The following MYLK variants were observed in gnomAD, a reference collection of about 807,000 sequenced individuals.
The protein encoded by MYLK is myosin light chain kinase.
In MYLK, 106 loss-of-function variants were observed where a neutral mutation model predicts 203.4. That is an observed-to-expected ratio of 0.52 (90% CI 0.45 to 0.61). MYLK has a LOEUF of 0.61. MYLK is among the 20% of genes least tolerant of loss of function. The pLI, the probability that MYLK is intolerant of heterozygous loss-of-function variation, is 0.00. For synonymous variants in MYLK, 867 were observed against 959.5 expected, an observed-to-expected ratio of 0.90 and a Z score of 1.78; for missense variants, 2,072 against 2,442.3, an observed-to-expected ratio of 0.85 and a Z score of 3.20.
intron 22 of MYLK, among the ~76,000 whole-genome samples, chr3:123,664,885 T>C (rs1364479994): frequency 6.6e-6 from 1 of 152,196 alleles, no homozygotes; most frequent in East Asian, 1.9e-4. Context: ...AATGACATAC[T>C]GTATGATTCC....
At chr3:123,833,039 G>A (rs1297140502) in intron 2 of MYLK, among the ~76,000 whole-genome samples, 2 of 152,042 alleles carry the variant, frequency 1.3e-5, no homozygotes, top group Non-Finnish European at 2.9e-5. Flanking sequence ...GAGAGACGGG[G>A]CTCTCAAAGA....
chr3:123,705,651 G>A (rs2061432292), intron 16 of MYLK, among the ~76,000 whole-genome samples: 1 of 152,112 alleles, frequency 6.6e-6, no homozygotes, highest in African/African-American at 2.4e-5. Context: ...GCTGGCCCCA[G>A]ACAGTCTGCC....
chr3:123,656,801 C>A (rs1393783710), intron 24 of MYLK, among the ~76,000 whole-genome samples: 1 of 152,108 alleles, frequency 6.6e-6, no homozygotes, highest in African/African-American at 2.4e-5. Flanking sequence ...AATATGGATA[C>A]AAGAGGAGAA....
chr3:123,652,635 C>T (rs1488797432), intron 24 of MYLK, among the ~76,000 whole-genome samples: 1 of 152,186 alleles, frequency 6.6e-6, no homozygotes, highest in African/African-American at 2.4e-5. Context: ...CTGGGGGTTG[C>T]AAGGAGGCTC....
intron 10 of MYLK, among the ~76,000 whole-genome samples, chr3:123,733,393 C>G (rs955076355): frequency 6.6e-6 from 1 of 152,080 alleles, no homozygotes; most frequent in Non-Finnish European, 1.5e-5. Context: ...GTTTGCTTTT[C>G]GATGTTGGCG....
At chr3:123,763,441 T>TGGTATTCTAAGAATTCTA (rs2063599759) in intron 4 of MYLK, among the ~76,000 whole-genome samples, 1 of 152,244 alleles carries the variant, frequency 6.6e-6, no homozygotes, top group African/African-American at 2.4e-5. Context: ...ACCATTCCAA[T>TGGTATTCTAAGAATTCTA]AGTTTTCTAA....
chr3:123,884,297 A>G lies in MYLK; in HGVS notation c.-277T>C, dbSNP rs886057870. ...CACAGCGCGGGCTCCGAGCTCGCTCAGCGCCCTGCTGCCGACCGGGCGGCG... is the reference window on the plus strand; with the variant it reads ...CACAGCGCGGGCTCCGAGCTCGCTCGGCGCCCTGCTGCCGACCGGGCGGCG... On this transcript the variant is annotated 5_prime_UTR_variant, in exon 1 of 34. Transcript: ENST00000360304. 1.1e-4 allele frequency: 16 copies of G among 141,724 alleles called. No homozygotes were observed. The highest frequency in any genetic ancestry group is 2.1e-4 in the Admixed American group (3 of 14,030). The allele number at this position is 141,724 out of a possible 1,614,324, so 8.8% of individuals were successfully genotyped here.
intron 1 of MYLK, among the ~76,000 whole-genome samples, chr3:123,881,701 C>T (rs1173108033): frequency 1.3e-5 from 2 of 152,144 alleles, no homozygotes; most frequent in East Asian, 1.9e-4. Context: ...GTGTTTCAAA[C>T]TCTAGGCTCA....
chr3:123,859,151 AAG>A (rs2031675097), intron 2 of MYLK, among the ~76,000 whole-genome samples: 1 of 152,206 alleles, frequency 6.6e-6, no homozygotes, highest in Non-Finnish European at 1.5e-5. Context: ...TAAAAACTAA[AAG>A]AGTTCTGCAT....
intron 11 of MYLK, among the ~76,000 whole-genome samples, chr3:123,730,302 A>T (rs1381276413): frequency 6.6e-6 from 1 of 152,226 alleles, no homozygotes; most frequent in Non-Finnish European, 1.5e-5. Context: ...AAACTGCAAC[A>T]CTTGTACATT....
intron 4 of MYLK, among the ~76,000 whole-genome samples, chr3:123,767,093 T>A (rs1160121015): frequency 3.3e-5 from 5 of 152,074 alleles, no homozygotes; most frequent in Admixed American, 3.3e-4. Context: ...AAAACAAAAC[T>A]CAAACTTTCC....
intron 2 of MYLK, among the ~76,000 whole-genome samples, chr3:123,858,136 T>A (rs898620429): frequency 6.6e-6 from 1 of 152,190 alleles, no homozygotes; most frequent in Non-Finnish European, 1.5e-5. Context: ...GCTATCTGCT[T>A]GTCATGCTTA....
chr3:123,881,035 A>G (rs2033502106), intron 1 of MYLK, among the ~76,000 whole-genome samples: 1 of 152,228 alleles, frequency 6.6e-6, no homozygotes, highest in Non-Finnish European at 1.5e-5. Context: ...CCAAAACTCA[A>G]GGAAGAATAA....
intron 12 of MYLK, among the ~76,000 whole-genome samples, chr3:123,724,917 T>A (rs967263048): frequency 5.3e-5 from 8 of 151,598 alleles, no homozygotes; most frequent in African/African-American, 2.0e-4. Flanking sequence ...CTAAGTTTTG[T>A]ATTTTTAGTA....
intron 20 of MYLK, among the ~76,000 whole-genome samples, chr3:123,671,443 G>C (rs894845831): frequency 2.0e-5 from 3 of 152,216 alleles, no homozygotes; most frequent in African/African-American, 7.2e-5. Context: ...ACACAGGAGA[G>C]GGCTGTGGAA....
At chr3:123,711,203 G>A (rs1191493782) in intron 13 of MYLK, among the ~76,000 whole-genome samples, 2 of 152,148 alleles carry the variant, frequency 1.3e-5, no homozygotes, top group African/African-American at 4.8e-5. Context: ...AGTGGTGTGG[G>A]GCAGGGGACG....
At chr3:123,745,985 G>A (rs891370911) in intron 5 of MYLK, among the ~76,000 whole-genome samples, 4 of 152,022 alleles carry the variant, frequency 2.6e-5, no homozygotes, top group African/African-American at 9.7e-5. Context: ...AGCCTCCTGA[G>A]TAGCTGGGAT....
intron 3 of MYLK, among the ~76,000 whole-genome samples, chr3:123,809,729 G>C (rs901893169): frequency 1.3e-5 from 2 of 152,142 alleles, no homozygotes; most frequent in African/African-American, 4.8e-5. Context: ...GACAATCCCA[G>C]TTGCCCTGCT....
chr3:123,712,974 G>C (rs865916909), intron 13 of MYLK, among the ~76,000 whole-genome samples: 1 of 152,176 alleles, frequency 6.6e-6, no homozygotes, highest in Non-Finnish European at 1.5e-5. Flanking sequence ...CAAGGATTAT[G>C]GACTCATTTT....
Sources: allele counts gnomAD v4.1 joint callset (sites outside exome capture counted in the v4.1 genomes callset), GRCh38; gene constraint gnomAD v4.1.1; transcripts MANE v1.5; gene names NCBI Gene and HGNC (gene_info 2026-07-23, HGNC 2026-07-21).